The following GALK2 variants were observed in gnomAD, a reference collection of about 807,000 sequenced individuals.
GALK2 encodes the protein galactokinase 2.
A neutral mutation model predicts 52.4 loss-of-function variants in GALK2; 36 were observed. That is an observed-to-expected ratio of 0.69 (90% confidence interval 0.53 to 0.91). The LOEUF is 0.91. GALK2 is among the 40% of genes least tolerant of loss of function. The probability of loss-of-function intolerance (pLI) is 0.00; values close to 1 mark genes in which losing one functional copy is unlikely to be tolerated. For missense variants in GALK2, 579 were observed against 559.1 expected (o/e 1.04, Z -0.36); for synonymous variants, 176 against 199.1 (o/e 0.88, Z 0.98).
chr15:49,217,718 G>T (rs141082009), intron 3 of GALK2, among the ~76,000 whole-genome samples: 1 of 152,064 alleles, frequency 6.6e-6, no homozygotes, highest in Non-Finnish European at 1.5e-5. Flanking sequence ...TTATTTACCT[G>T]TGTCACCCAG....
intron 3 of GALK2, among the ~76,000 whole-genome samples, chr15:49,229,118 A>G (rs1426198384): frequency 6.6e-6 from 1 of 152,180 alleles, no homozygotes; most frequent in African/African-American, 2.4e-5. Flanking sequence ...ATTTGCTTTT[A>G]TAGACAGTGA....
intron 3 of GALK2, among the ~76,000 whole-genome samples, chr15:49,363,329 G>A (rs994467844): frequency 6.6e-6 from 1 of 152,086 alleles, no homozygotes; most frequent in African/African-American, 2.4e-5. Context: ...TTGTTGTAGA[G>A]ATCTTTTGCT....
intron 1 of GALK2, among the ~76,000 whole-genome samples, chr15:49,181,354 C>T (rs8040795): frequency 0.025 from 3,733 of 151,848 alleles, 117 homozygotes; most frequent in South Asian, 0.076. Flanking sequence ...AGTGATCTGC[C>T]TTGGCCTCCC....
At chr15:49,226,078 G>T (rs1223716940) in intron 3 of GALK2, among the ~76,000 whole-genome samples, 1 of 152,202 alleles carries the variant, frequency 6.6e-6, no homozygotes, top group African/African-American at 2.4e-5. Context: ...TTACTCAGAG[G>T]AAGAAGGGGA....
chr15:49,349,969 T>C (rs1185041701), intron 3 of GALK2, among the ~76,000 whole-genome samples: 1 of 152,180 alleles, frequency 6.6e-6, no homozygotes, highest in Non-Finnish European at 1.5e-5. Context: ...GAAATTAACT[T>C]TGTTGGTAAC....
intron 2 of GALK2, among the ~76,000 whole-genome samples, chr15:49,206,645 G>C (rs1025309455): frequency 6.6e-6 from 1 of 151,828 alleles, no homozygotes; most frequent in Non-Finnish European, 1.5e-5. Context: ...TTCTCTGGTC[G>C]CTGTTGGTAT....
At chr15:49,365,419 G>T in intron 3 of GALK2, 1 of 1,005,372 alleles carries the variant, frequency 9.9e-7, no homozygotes, top group Non-Finnish European at 1.6e-6. Context: ...CTCTTCTACA[G>T]TACGCAAGCA....
rs3075141 is a variant in GALK2, at chr15:49,328,774, ATT to A, written c.*629_*630del. The A allele has an allele frequency of 0.18, 208,729 of 1,149,858 alleles. 816 individuals carry two copies. The highest frequency in any genetic ancestry group is 0.22 in the Middle Eastern group (970 of 4,406). 71.2% of individuals were successfully genotyped at this position (1,149,858 alleles called of 1,614,324 possible). A position where few individuals can be genotyped will look rare whatever the true frequency, so the allele number is the denominator to read the frequency against. ...TTCTCCAGTTATCAAGAGACTAAGG[ATT>A]TTTTTTTTTTTTTGACAAAAGGAGG... On this transcript the variant is annotated 3_prime_UTR_variant, in exon 10 of 10. Coordinates refer to ENST00000560031, the MANE Select transcript of GALK2 (RefSeq NM_002044.4).
In GALK2 at chr15:49,268,472, T is replaced by G. The variant is rs547209953; in HGVS notation, c.505-13515T>G. Reference sequence around the variant, plus strand: ...GAGCTAAAACTTCAGCTATAGAAATTAGTAATATATCCACTGAAAGATGTG... The same window carrying G: ...GAGCTAAAACTTCAGCTATAGAAATGAGTAATATATCCACTGAAAGATGTG... On this transcript the variant is annotated intron_variant, in intron 5 of 9. Coordinates refer to ENST00000560031, the MANE Select transcript of GALK2 (RefSeq NM_002044.4). 2.6e-5 allele frequency among the ~76,000 whole-genome samples: 4 copies of G among 152,138 alleles called. No homozygotes were observed. In the South Asian group the frequency reaches 6.2e-4, roughly 24 times the overall value.
At chr15:49,344,208 A>G (rs1045607507) in intron 3 of GALK2, 1 of 152,190 alleles carries the variant, frequency 6.6e-6, no homozygotes, top group South Asian at 2.1e-4. Context: ...CAAAAGAAAG[A>G]AAATTATCAT....
At chr15:49,211,544 A>G (rs544421051) in intron 2 of GALK2, among the ~76,000 whole-genome samples, 10 of 152,244 alleles carry the variant, frequency 6.6e-5, no homozygotes, top group African/African-American at 2.4e-4. Flanking sequence ...TTCTGTATTA[A>G]TCTGCTCTTG....
chr15:49,291,156 A>AT (rs201204888), intron 7 of GALK2, among the ~76,000 whole-genome samples: 3,086 of 139,886 alleles, frequency 0.022, 100 homozygotes, highest in African/African-American at 0.072. Flanking sequence ...AGGTTTCGCC[A>AT]TTTTTTTTTT....
chr15:49,335,407 G>A (rs1477723380), downstream of GALK2: 1 of 1,543,782 alleles, frequency 6.5e-7, no homozygotes, highest in Non-Finnish European at 9.0e-7. Flanking sequence ...CAATAGTATA[G>A]CATCAACTTA....
upstream of GALK2, among the ~76,000 whole-genome samples, chr15:49,167,847 A>T (rs2084872676): frequency 6.6e-6 from 1 of 152,192 alleles, no homozygotes; most frequent in Non-Finnish European, 1.5e-5. Flanking sequence ...TAAGAAAGTA[A>T]TGTTTTGTTT....
At chr15:49,220,190 A>G (rs1168252435) in intron 3 of GALK2, among the ~76,000 whole-genome samples, 2 of 150,472 alleles carry the variant, frequency 1.3e-5, no homozygotes, top group Non-Finnish European at 2.9e-5. Context: ...CTACTCTGCT[A>G]TAGACCATTA....
At chr15:49,192,501 A>ATATATATATG (rs2086832297) in intron 1 of GALK2, among the ~76,000 whole-genome samples, 2 of 134,616 alleles carry the variant, frequency 1.5e-5, no homozygotes, top group Non-Finnish European at 3.2e-5. Context: ...ATATATATAT[A>ATATATATATG]TATATATATA....
At position 49,328,131 on chromosome 15, in the gene GALK2, G is replaced by T. The variant is rs1422605934; in HGVS notation, c.1349G>T (p.Gly450Val). Reference sequence around the variant, plus strand: ...AGTTTGTTTGCTACCAAACCTGGAGGTGGGGCTTTGGTTTTGCTTGAGGCC... The same window carrying T: ...AGTTTGTTTGCTACCAAACCTGGAGTTGGGGCTTTGGTTTTGCTTGAGGCC... ...KQSLFATKPGGGALVLLEA is the reference protein window; with the variant it reads ...KQSLFATKPGVGALVLLEA The change falls in exon 10 of 10, where the codon GGT (glycine) becomes GTT (valine). Residue 450 changes from glycine to valine, a missense_variant. Physicochemically the swap from Gly to Val is moderately radical, Grantham distance 109. Transcript: ENST00000560031. The T allele has an allele frequency of 1.2e-6, 2 of 1,614,068 alleles. No individual in the cohort carries two copies.
intron 5 of GALK2, among the ~76,000 whole-genome samples, chr15:49,245,042 A>AT (rs371106623): frequency 4.4e-4 from 67 of 150,858 alleles, no homozygotes; most frequent in African/African-American, 1.3e-3. Context: ...GAAATCAACC[A>AT]TTTTTTTTTG....
At chr15:49,311,513 A>C (rs1280364330) in intron 8 of GALK2, among the ~76,000 whole-genome samples, 1 of 152,198 alleles carries the variant, frequency 6.6e-6, no homozygotes, top group Admixed American at 6.5e-5. Context: ...AATGGTTTAT[A>C]ATCTCGACGT....
Sources: gnomAD v4.1 joint callset for allele counts (sites outside exome capture counted in the v4.1 genomes callset) on GRCh38, gnomAD v4.1.1 for gene constraint, MANE v1.5 for transcripts, NCBI Gene and HGNC (gene_info 2026-07-23, HGNC 2026-07-21) for gene names.